Variants in NCALD observed in about 807,000 individuals in gnomAD.
NCALD encodes the protein neurocalcin-delta.
Under a neutral mutation model 18.6 loss-of-function variants are expected in NCALD, and 10 were observed. The observed-to-expected ratio is 0.54, with a 90% CI of 0.33 to 0.91. The LOEUF (loss-of-function observed/expected upper bound fraction) is 0.91, where lower values mean the gene tolerates loss of function less well. NCALD is among the 40% of genes least tolerant of loss of function. NCALD has a pLI of 0.03. For missense variants in NCALD, 184 were observed against 247.6 expected, an observed-to-expected ratio of 0.74 and a Z score of 1.72; for synonymous variants, 88 against 87.4, an observed-to-expected ratio of 1.01 and a Z score of -0.04.
At chr8:101,758,104 A>T (rs1376704762) in intron 1 of NCALD, among the ~76,000 whole-genome samples, 1 of 152,120 alleles carries the variant, frequency 6.6e-6, no homozygotes, top group Non-Finnish European at 1.5e-5. Flanking sequence ...TTAAACTCAC[A>T]TCTCTTTATG....
chr8:102,004,529 C>A (rs1306259590), intron 2 of NCALD, among the ~76,000 whole-genome samples: 1 of 152,164 alleles, frequency 6.6e-6, no homozygotes, highest in Non-Finnish European at 1.5e-5. Flanking sequence ...GAAAAAACTA[C>A]TTTAAAGTTC....
chr8:101,955,104 T>C (rs1742936707), intron 2 of NCALD, among the ~76,000 whole-genome samples: 1 of 152,034 alleles, frequency 6.6e-6, no homozygotes, highest in South Asian at 2.1e-4. Context: ...TCTTGCCAAG[T>C]GAATAAATGG....
chr8:101,744,075 C>A (rs944815257), intron 1 of NCALD, among the ~76,000 whole-genome samples: 1 of 152,194 alleles, frequency 6.6e-6, no homozygotes, highest in Admixed American at 6.5e-5. Flanking sequence ...AAAGACAGAT[C>A]GACAGATCAA....
chr8:101,828,174 G>A (rs74362333), intron 4 of NCALD, among the ~76,000 whole-genome samples: 3,217 of 152,074 alleles, frequency 0.021, 117 homozygotes, highest in East Asian at 0.12. Flanking sequence ...CCTCCATAAC[G>A]CAGCCAGAAC....
chr8:102,073,425 T>C (rs1217707713), intron 1 of NCALD, among the ~76,000 whole-genome samples: 2 of 152,086 alleles, frequency 1.3e-5, no homozygotes, highest in African/African-American at 4.8e-5. Flanking sequence ...TTTTTGATGA[T>C]GAGAATATAG....
chr8:101,783,801 G>T (rs1053264638), intron 1 of NCALD, among the ~76,000 whole-genome samples: 7 of 152,172 alleles, frequency 4.6e-5, no homozygotes, highest in Admixed American at 3.3e-4. Flanking sequence ...ACCAGCAACA[G>T]CATTAACCTG....
intron 4 of NCALD, among the ~76,000 whole-genome samples, chr8:101,800,931 G>A (rs1810614812): frequency 1.2e-5 from 1 of 82,822 alleles, no homozygotes; most frequent in Non-Finnish European, 2.4e-5. Context: ...GAGAGAAGGG[G>A]AGGGGAGAGG....
chr8:102,066,441 T>A (rs746626094), intron 1 of NCALD, among the ~76,000 whole-genome samples: 11 of 152,170 alleles, frequency 7.2e-5, no homozygotes, highest in Admixed American at 1.3e-4. Flanking sequence ...TTGCTCACAG[T>A]CGGCACTCAC....
At chr8:101,904,168 G>C (rs1817532544) in intron 3 of NCALD, among the ~76,000 whole-genome samples, 1 of 152,124 alleles carries the variant, frequency 6.6e-6, no homozygotes, top group Non-Finnish European at 1.5e-5. Context: ...CTCTGGAGCT[G>C]GAAGAAGACA....
At chr8:102,002,224 A>G (rs2132030625) in intron 2 of NCALD, among the ~76,000 whole-genome samples, 1 of 152,348 alleles carries the variant, frequency 6.6e-6, no homozygotes, top group East Asian at 1.9e-4. Flanking sequence ...AGAGGTTGCA[A>G]TCCTAGTCTC....
At chr8:101,813,044 T>C (rs960747366) in intron 4 of NCALD, among the ~76,000 whole-genome samples, 2 of 152,142 alleles carry the variant, frequency 1.3e-5, no homozygotes, top group Non-Finnish European at 2.9e-5. Context: ...GCTTTCTGTG[T>C]GGCAGGCAAT....
At chr8:101,910,805 G>C (rs1316940151) in intron 3 of NCALD, among the ~76,000 whole-genome samples, 1 of 152,104 alleles carries the variant, frequency 6.6e-6, no homozygotes, top group African/African-American at 2.4e-5. Flanking sequence ...TAAATCCCTG[G>C]TGAAGCTCAG....
chr8:102,056,709 G>A (rs1177407219), intron 1 of NCALD, among the ~76,000 whole-genome samples: 1 of 152,240 alleles, frequency 6.6e-6, no homozygotes, highest in Non-Finnish European at 1.5e-5. Flanking sequence ...GTCCCATCCA[G>A]TTGATGAGAC....
chr8:102,013,611 G>A (rs1304255427), intron 2 of NCALD, among the ~76,000 whole-genome samples: 1 of 152,070 alleles, frequency 6.6e-6, no homozygotes, highest in Non-Finnish European at 1.5e-5. Flanking sequence ...GCCCTTCTCT[G>A]GCTACCTGCT....
intron 1 of NCALD, among the ~76,000 whole-genome samples, chr8:102,024,633 T>C (rs2132114394): frequency 6.6e-6 from 1 of 152,290 alleles, no homozygotes; most frequent in East Asian, 1.9e-4. Flanking sequence ...AATAACCAAA[T>C]CCTGTAGATA....
chr8:101,885,106 A>G (rs575419645), intron 4 of NCALD, among the ~76,000 whole-genome samples: 9 of 152,206 alleles, frequency 5.9e-5, no homozygotes, highest in Non-Finnish European at 1.2e-4. Flanking sequence ...GTAACATCCT[A>G]TAACTAAGAA....
At chr8:102,056,087 C>T (rs1282853914) in intron 1 of NCALD, among the ~76,000 whole-genome samples, 3 of 152,224 alleles carry the variant, frequency 2.0e-5, no homozygotes, top group Admixed American at 6.5e-5. Context: ...AAAGCTTTAA[C>T]ATTTTCTATA....
chr8:101,706,470 C>G (rs1815530002), intron 2 of NCALD, among the ~76,000 whole-genome samples: 1 of 152,148 alleles, frequency 6.6e-6, no homozygotes, highest in South Asian at 2.1e-4. Context: ...GTTTCTTCAT[C>G]CATAAAATTG....
intron 4 of NCALD, among the ~76,000 whole-genome samples, chr8:101,884,698 GTTTGTT>G (rs56870319): frequency 1.4e-4 from 21 of 151,496 alleles, no homozygotes; most frequent in South Asian, 2.1e-4. Context: ...TACAAAAGCA[GTTTGTT>G]TTTGTTTTTG....
Sources: gnomAD v4.1 joint callset for allele counts (sites outside exome capture counted in the v4.1 genomes callset) on GRCh38, gnomAD v4.1.1 for gene constraint, MANE v1.5 for transcripts, NCBI Gene and HGNC (gene_info 2026-07-23, HGNC 2026-07-21) for gene names.